Variants in TBXAS1 observed in about 807,000 individuals in gnomAD.
TBXAS1 encodes the protein thromboxane-A synthase.
Under a neutral mutation model 60.7 loss-of-function variants are expected in TBXAS1, and 48 were observed. The ratio of observed to expected loss-of-function variants is 0.79; its 90% CI spans 0.63 to 1.01. TBXAS1 has a LOEUF of 1.01. Ranked by LOEUF, TBXAS1 falls within the 50% of genes least tolerant of loss-of-function variation. The pLI, the probability that TBXAS1 is intolerant of heterozygous loss-of-function variation, is 0.00. For missense variants in TBXAS1, 685 were observed against 686.3 expected (o/e 1.00, Z 0.02); for synonymous variants, 287 against 269.7 (o/e 1.06, Z -0.63).
upstream of TBXAS1, among the ~76,000 whole-genome samples, chr7:139,824,302 G>A (rs1798379337): frequency 6.6e-6 from 1 of 152,214 alleles, no homozygotes; most frequent in Non-Finnish European, 1.5e-5. Context: ...CTCCCCGCAT[G>A]GCTCGAGACG....
Position 139,875,500 on chromosome 7 carries a change from C to T in TBXAS1, c.184-85C>T, listed in dbSNP as rs147167204. 2,724 of 1,084,640 alleles carry T rather than the reference C, an allele frequency of 2.5e-3. 46 individuals carry two copies. In the African/African-American group the frequency reaches 0.036, roughly 14 times the overall value. 67.2% of individuals were successfully genotyped at this position (1,084,640 alleles called of 1,614,324 possible). The stretch of plus-strand genomic sequence containing the variant: ...TATTGTTTCTGTAATTGTATTCTTG[C>T]TGTTCCAAATTGTTTACTGAATAAG... On this transcript the variant is annotated intron_variant, in intron 2 of 12. Coordinates refer to ENST00000448866, the MANE Select transcript of TBXAS1 (RefSeq NM_001061.7).
chr7:139,998,191 C>T (rs946602555), intron 9 of TBXAS1, among the ~76,000 whole-genome samples: 3 of 152,176 alleles, frequency 2.0e-5, no homozygotes, highest in African/African-American at 7.2e-5. Context: ...TGTTAGAAGT[C>T]AAGACAGTGG....
chr7:139,930,774 C>T (rs1326355168), intron 4 of TBXAS1, among the ~76,000 whole-genome samples: 1 of 152,282 alleles, frequency 6.6e-6, no homozygotes, highest in Admixed American at 6.5e-5. Flanking sequence ...AAAGATCCCA[C>T]TGACTACAGG....
In TBXAS1 at chr7:139,955,601, T is replaced by C. The variant is rs1809802024; in HGVS notation, c.682T>C (p.Leu228=). 1 of 1,614,178 alleles carries C rather than the reference T, an allele frequency of 6.2e-7. No individual in the cohort carries two copies. The highest frequency in any genetic ancestry group is 8.5e-7 in the Non-Finnish European group (1 of 1,180,036). Residue 228 remains leucine (L), a synonymous_variant, in exon 7 of 13, where the codon TTA becomes CTA. Coordinates refer to ENST00000448866, the MANE Select transcript of TBXAS1 (RefSeq NM_001061.7). The part of the protein sequence containing the change: ...EFCIPRPILV[L]LLSFPSIMVP... ...CTGCATCCCCAGACCTATCCTGGTT[T>C]TACTCTGTAAGTGCGGCTGCAGCCC...
At chr7:139,824,477 G>T (rs983408413), upstream of TBXAS1, among the ~76,000 whole-genome samples, 2 of 152,220 alleles carry the variant, frequency 1.3e-5, no homozygotes, top group Non-Finnish European at 2.9e-5. Flanking sequence ...TAGAAGTTGA[G>T]AAAACTTGGA....
intron 10 of TBXAS1, among the ~76,000 whole-genome samples, chr7:140,014,105 A>T (rs1814831383): frequency 1.3e-5 from 2 of 152,226 alleles, no homozygotes; most frequent in South Asian, 2.1e-4. Context: ...TGTCAGAGAC[A>T]TGGCTCTGGT....
At chr7:139,956,469 T>G (rs1231131774) in intron 7 of TBXAS1, among the ~76,000 whole-genome samples, 1 of 152,228 alleles carries the variant, frequency 6.6e-6, no homozygotes, top group Non-Finnish European at 1.5e-5. Flanking sequence ...ATTGTAGAAG[T>G]GAGATTTTGC....
chr7:140,014,777 G>A (rs1201652740), intron 10 of TBXAS1, among the ~76,000 whole-genome samples: 1 of 152,046 alleles, frequency 6.6e-6, no homozygotes, highest in African/African-American at 2.4e-5. Flanking sequence ...AGCCAGGCCT[G>A]TTGACACACA....
chr7:140,008,199 A>G (rs1479516614), intron 10 of TBXAS1, among the ~76,000 whole-genome samples: 3 of 152,214 alleles, frequency 2.0e-5, no homozygotes, highest in Admixed American at 2.0e-4. Context: ...AAAGCATTAC[A>G]AAGAATGCAA....
chr7:139,960,016 G>A (rs1810203641), intron 8 of TBXAS1, among the ~76,000 whole-genome samples: 1 of 152,216 alleles, frequency 6.6e-6, no homozygotes, highest in African/African-American at 2.4e-5. Flanking sequence ...CCTTGAGGAT[G>A]CTGTTTGAAA....
intron 3 of TBXAS1, among the ~76,000 whole-genome samples, chr7:139,784,247 C>A (rs1369057339): frequency 1.4e-5 from 2 of 144,196 alleles, no homozygotes; most frequent in African/African-American, 5.2e-5. Context: ...TCTCTTCCTT[C>A]CTTCCTTCCT....
intron 1 of TBXAS1, among the ~76,000 whole-genome samples, chr7:139,841,003 C>T (rs1274402034): frequency 2.7e-5 from 4 of 149,800 alleles, no homozygotes; most frequent in African/African-American, 4.8e-5. Flanking sequence ...TCTGTGCTGC[C>T]GCTCAGGAAA....
intron 4 of TBXAS1, among the ~76,000 whole-genome samples, chr7:139,805,690 C>CTT (rs1256684578): frequency 3.5e-5 from 1 of 28,296 alleles, no homozygotes; most frequent in African/African-American, 1.5e-4. Context: ...TTCTTTCTTT[C>CTT]TTTCTTTCTT....
At chr7:139,941,433 GTTT>G (rs8192834) in intron 5 of TBXAS1, among the ~76,000 whole-genome samples, 1 of 147,878 alleles carries the variant, frequency 6.8e-6, no homozygotes, top group African/African-American at 2.5e-5. Context: ...AATTAAAATT[GTTT>G]TTTTTTTTTG....
intron 4 of TBXAS1, among the ~76,000 whole-genome samples, chr7:139,819,185 G>A (rs1214029760): frequency 2.0e-5 from 3 of 152,216 alleles, no homozygotes; most frequent in African/African-American, 7.2e-5. Flanking sequence ...GGGTGGTCAT[G>A]TTTCCAAAGA....
chr7:139,880,871 T>C (rs1304913455), intron 3 of TBXAS1, among the ~76,000 whole-genome samples: 1 of 152,224 alleles, frequency 6.6e-6, no homozygotes, highest in African/African-American at 2.4e-5. Flanking sequence ...TTAATTTCGA[T>C]AAATATGACT....
chr7:139,875,171 A>G (rs1162456515), intron 2 of TBXAS1, among the ~76,000 whole-genome samples: 1 of 152,228 alleles, frequency 6.6e-6, no homozygotes, highest in East Asian at 1.9e-4. Context: ...GTTGAATTTA[A>G]TTAAAGTTTA....
At chr7:139,901,838 C>T (rs1018910598) in intron 3 of TBXAS1, among the ~76,000 whole-genome samples, 11 of 152,020 alleles carry the variant, frequency 7.2e-5, no homozygotes, top group African/African-American at 2.7e-4. Flanking sequence ...TGGTTAAAAT[C>T]AGATTCCTGG....
rs547777860 is a variant in TBXAS1 at position 139,852,484 on chromosome 7, C to G, written c.90-19751C>G. Among the ~76,000 whole-genome samples, 1 of 152,258 alleles carries G rather than the reference C, an allele frequency of 6.6e-6. No homozygotes were observed. Among genetic ancestry groups the G allele is most frequent in the East Asian group, 1.9e-4 (1 of 5,170 alleles). ...GATTCAGGGCTCTTGGACTAGAACT[C>G]TTGCCTTTTGACTTTGTCCTGTACA... On this transcript the variant is annotated intron_variant, in intron 1 of 12. Coordinates refer to ENST00000448866, the MANE Select transcript of TBXAS1 (RefSeq NM_001061.7). The surrounding 1 kb of genome is among the most constrained non-coding windows in gnomAD (Gnocchi z 4.4).
Sources: allele counts gnomAD v4.1 joint callset (sites outside exome capture counted in the v4.1 genomes callset), GRCh38; gene constraint gnomAD v4.1.1; non-coding constraint Gnocchi (gnomAD v3.1); transcripts MANE v1.5; gene names NCBI Gene and HGNC (gene_info 2026-07-23, HGNC 2026-07-21).